Variants in FIRRM observed in about 807,000 individuals in gnomAD.
FIRRM encodes FIGNL1-interacting regulator of recombination and mitosis.
At chr1:169,848,407 T>A in the FIRRM span, among the ~76,000 whole-genome samples, 1 of 152,194 alleles carries the variant, frequency 6.6e-6, no homozygotes, top group East Asian at 1.9e-4. Flanking sequence ...AATTTAGTAA[T>A]TCTAGTAATT....
At chr1:169,818,080 T>C in the FIRRM span, among the ~76,000 whole-genome samples, 1 of 152,272 alleles carries the variant, frequency 6.6e-6, no homozygotes, top group African/African-American at 2.4e-5. Flanking sequence ...ATTCCCATGC[T>C]TTCTTATAAT....
the FIRRM span, among the ~76,000 whole-genome samples, chr1:169,786,267 C>G: frequency 3.2e-3 from 492 of 152,212 alleles, 5 homozygotes; most frequent in African/African-American, 0.011. Flanking sequence ...GTCTGACCAC[C>G]CTTCTAAGAA....
the FIRRM span, chr1:169,830,365 T>A: frequency 6.3e-7 from 1 of 1,596,136 alleles, no homozygotes; most frequent in African/African-American, 1.3e-5. Context: ...GCTTTTTTGT[T>A]CTTTGGATTG....
the FIRRM span, chr1:169,851,271 T>A: frequency 9.1e-5 from 14 of 153,226 alleles, no homozygotes; most frequent in African/African-American, 3.4e-4. Flanking sequence ...ATATATTACA[T>A]GTAATGATGC....
chr1:169,784,745 C>T, the FIRRM span: 1 of 152,106 alleles, frequency 6.6e-6, no homozygotes, highest in East Asian at 1.9e-4. Context: ...ACAAATAGAC[C>T]CAGGGTCTTT....
chr1:169,784,975 A>G, the FIRRM span: 5 of 152,246 alleles, frequency 3.3e-5, no homozygotes, highest in African/African-American at 1.2e-4. Flanking sequence ...GTAAGGCAGA[A>G]TTCTGTTTAG....
chr1:169,830,340 C>A, the FIRRM span: 2 of 1,613,158 alleles, frequency 1.2e-6, no homozygotes, highest in African/African-American at 1.3e-5. Flanking sequence ...CTTCCTTGCT[C>A]GGTACAACAT....
At chr1:169,838,495 T>C in the FIRRM span, among the ~76,000 whole-genome samples, 1 of 152,106 alleles carries the variant, frequency 6.6e-6, no homozygotes, top group African/African-American at 2.4e-5. Context: ...TTTTATTTTT[T>C]ATTTTATTTT....
the FIRRM span, chr1:169,853,851 G>T: frequency 6.6e-7 from 1 of 1,523,344 alleles, no homozygotes; most frequent in Admixed American, 1.7e-5. Flanking sequence ...GAAAAAGCAG[G>T]AATTTAAAAT....
At chr1:169,823,914 G>A in the FIRRM span, among the ~76,000 whole-genome samples, 8 of 151,982 alleles carry the variant, frequency 5.3e-5, no homozygotes, top group Non-Finnish European at 1.2e-4. Context: ...GAAAAGAACT[G>A]AATTACAGAA....
At chr1:169,836,622 T>C in the FIRRM span, among the ~76,000 whole-genome samples, 2 of 152,218 alleles carry the variant, frequency 1.3e-5, no homozygotes, top group African/African-American at 2.4e-5. Flanking sequence ...ATAAGACTTA[T>C]TGGTAAGTAG....
chr1:169,799,633 C>T, the FIRRM span, among the ~76,000 whole-genome samples: 2 of 152,164 alleles, frequency 1.3e-5, no homozygotes, highest in Non-Finnish European at 2.9e-5. Context: ...CTCACTGCAA[C>T]CTCCACCTTC....
the FIRRM span, chr1:169,852,003 G>T: frequency 1.2e-6 from 2 of 1,606,554 alleles, no homozygotes; most frequent in Non-Finnish European, 1.7e-6. Context: ...ACTTACTGAC[G>T]AAACAAACCA....
chr1:169,830,146 A>T, the FIRRM span: 7 of 821,886 alleles, frequency 8.5e-6, 1 homozygote, highest in African/African-American at 3.5e-5. Flanking sequence ...CCCATTGAGG[A>T]TCTGTTATTT....
chr1:169,797,878 T>G, the FIRRM span, among the ~76,000 whole-genome samples: 2 of 152,224 alleles, frequency 1.3e-5, no homozygotes, highest in African/African-American at 4.8e-5. Flanking sequence ...TCTTTGATGA[T>G]TCTTATGGTG....
At chr1:169,847,109 T>C in the FIRRM span, among the ~76,000 whole-genome samples, 1 of 152,108 alleles carries the variant, frequency 6.6e-6, no homozygotes, top group Non-Finnish European at 1.5e-5. Context: ...ATTTGCCATC[T>C]TATAGGGGCA....
At chr1:169,784,390 C>G in the FIRRM span, among the ~76,000 whole-genome samples, 1 of 152,172 alleles carries the variant, frequency 6.6e-6, no homozygotes, top group East Asian at 1.9e-4. Flanking sequence ...CAGGCAACCC[C>G]TTGACTCCCT....
the FIRRM span, among the ~76,000 whole-genome samples, chr1:169,802,383 C>CA: frequency 6.6e-6 from 1 of 152,076 alleles, no homozygotes; most frequent in African/African-American, 2.4e-5. Flanking sequence ...TAAATAGATT[C>CA]AAACCATAGA....
the FIRRM span, chr1:169,827,769 G>A: frequency 1.8e-4 from 283 of 1,614,030 alleles, no homozygotes; most frequent in Admixed American, 1.7e-4. Context: ...TCATGGATAA[G>A]CTGCCATCTC....
Sources: allele counts gnomAD v4.1 joint callset (sites outside exome capture counted in the v4.1 genomes callset), GRCh38; gene constraint gnomAD v4.1.1; transcripts MANE v1.5; gene names NCBI Gene and HGNC (gene_info 2026-07-23, HGNC 2026-07-21).